Variants in KIF14 observed in about 807,000 individuals in gnomAD.
KIF14 encodes the protein kinesin-like protein KIF14.
A neutral mutation model predicts 176.2 loss-of-function variants in KIF14; 98 were observed. The observed-to-expected ratio is 0.56, with a 90% confidence interval of 0.47 to 0.66. The LOEUF is 0.66. KIF14 is among the 30% of genes least tolerant of loss of function. The probability of loss-of-function intolerance (pLI) is 0.00; values close to 1 mark genes in which losing one functional copy is unlikely to be tolerated. For synonymous variants in KIF14, 566 were observed against 632.2 expected (o/e 0.90, Z 1.57); for missense variants, 1,751 against 1,920.4 (o/e 0.91, Z 1.65).
chr1:200,571,270 A>G (rs911435414), intron 22 of KIF14, among the ~76,000 whole-genome samples: 1 of 148,266 alleles, frequency 6.7e-6, no homozygotes, highest in African/African-American at 2.5e-5. Flanking sequence ...AGCGGAGATC[A>G]TGCCACTGCA....
chr1:200,613,728 A>G (rs1362769352), intron 4 of KIF14, among the ~76,000 whole-genome samples: 2 of 152,202 alleles, frequency 1.3e-5, no homozygotes, highest in African/African-American at 4.8e-5. Flanking sequence ...TGTCCCTGCC[A>G]AGAATCCCCG....
intron 23 of KIF14, among the ~76,000 whole-genome samples, chr1:200,567,532 T>A (rs1320733191): frequency 1.3e-4 from 17 of 127,784 alleles, no homozygotes; most frequent in Admixed American, 3.3e-4. Flanking sequence ...AGACTCCGTC[T>A]AAAAAAAAAA....
At position 200,617,967 on chromosome 1, in the gene KIF14, T is replaced by G. The variant is rs756972367; in HGVS notation, c.757A>C (p.Asn253His). Residue 253 changes from asparagine to histidine, a missense_variant, in exon 2 of 30, where the codon AAC becomes CAC. Transcript: ENST00000367350. The part of the protein sequence containing the change: ...KLDIKVLGTG[N>H]LYHRSIGKEI... ...TTCCCAATACTTCTATGATACAAGT[T>G]TCCTGTTCCCAACACTTTGATATCC... The G allele has an allele frequency of 1.6e-5, 26 of 1,613,918 alleles. No individual in the cohort carries two copies. The East Asian group carries it at 3.8e-4, about 24-fold the overall frequency.
intron 22 of KIF14, 44 bp from the exon 23 acceptor site, chr1:200,570,049 G>T: frequency 2.4e-6 from 2 of 849,774 alleles, no homozygotes; most frequent in Non-Finnish European, 1.9e-6. Flanking sequence ...TATACCACAT[G>T]GAATAATATT....
At chr1:200,566,512 G>C (rs1375538091) in intron 23 of KIF14, among the ~76,000 whole-genome samples, 1 of 151,468 alleles carries the variant, frequency 6.6e-6, no homozygotes, top group Non-Finnish European at 1.5e-5. Context: ...AGAATTGCTT[G>C]AAGCCAGGAG....
chr1:200,592,155 C>T lies in KIF14; in HGVS notation c.2738G>A (p.Arg913Lys). The T allele has an allele frequency of 6.2e-7, 1 of 1,613,734 alleles. No individual in the cohort carries two copies. The highest frequency in any genetic ancestry group is 1.1e-5 in the South Asian group (1 of 91,066). The change falls in exon 16 of 30, where the codon AGA becomes AAA. Residue 913 changes from arginine to lysine, a missense_variant. Arg to Lys is a conservative substitution (Grantham distance 26, BLOSUM62 2). Coordinates refer to ENST00000367350, the MANE Select transcript of KIF14 (RefSeq NM_014875.3). ...TGGACCCTCACTTATAGGAGTATCT[C>T]TTCCAGATGGCCTTTTTCCTTTCTG... ...EVQKGKRPSGRDTPISEGPKD... is the reference protein window; with the variant it reads ...EVQKGKRPSGKDTPISEGPKD...
rs368421564 is a variant in KIF14, at chr1:200,565,561, T to C, written c.3770A>G (p.Tyr1257Cys). Residue 1257 changes from tyrosine (Y) to cysteine (C), a missense_variant, in exon 24 of 30, where the codon TAT becomes TGT. Transcript: ENST00000367350. ...GTCTGCTATAGTTCTTTCTTCATCA[T>C]AACTCTGTCCAAAAAAATCTAACGA... Reference protein sequence around the residue: ...GSSLDFFGQSYDEERTIADSL... With the variant: ...GSSLDFFGQSCDEERTIADSL... The C allele has an allele frequency of 1.2e-5, 19 of 1,611,886 alleles. No individual in the cohort carries two copies. In the African/African-American group the frequency reaches 2.4e-4, roughly 20 times the overall value.
intron 13 of KIF14, among the ~76,000 whole-genome samples, chr1:200,598,934 C>A (rs959121157): frequency 6.6e-6 from 1 of 152,130 alleles, no homozygotes; most frequent in African/African-American, 2.4e-5. Flanking sequence ...TTGTCCTTCA[C>A]CATCCTCAGT....
chr1:200,562,381 A>G (rs1300672854), intron 25 of KIF14, among the ~76,000 whole-genome samples: 1 of 152,236 alleles, frequency 6.6e-6, no homozygotes. Context: ...TATAACATTA[A>G]TTCATCTGAT....
At chr1:200,571,832 C>T (rs2102616680) in intron 22 of KIF14, among the ~76,000 whole-genome samples, 1 of 152,130 alleles carries the variant, frequency 6.6e-6, no homozygotes, top group East Asian at 1.9e-4. Flanking sequence ...GTTATTCTTG[C>T]AACAATATCA....
intron 19 of KIF14, among the ~76,000 whole-genome samples, chr1:200,585,514 A>G (rs1162037553): frequency 2.6e-5 from 4 of 152,212 alleles, no homozygotes; most frequent in Non-Finnish European, 5.9e-5. Flanking sequence ...TTTTAAAAAC[A>G]TGCTGCACAT....
At position 200,601,995 on chromosome 1, in the gene KIF14, T is replaced by A; in HGVS notation, c.2053A>T (p.Ile685Leu). The A allele has an allele frequency of 1.2e-6, 2 of 1,614,002 alleles. No homozygotes were observed. Among genetic ancestry groups the A allele is most frequent in the South Asian group, 1.1e-5 (1 of 91,074 alleles). ...CTAAGTGTGCTTAATGTTTCTTCTATGTTGCTGGCAGCGGGACTAATCGTA... is the reference window on the plus strand; with the variant it reads ...CTAAGTGTGCTTAATGTTTCTTCTAAGTTGCTGGCAGCGGGACTAATCGTA... ...IATISPAASN[I>L]EETLSTLRYA... The change falls in exon 11 of 30, where the codon ATA becomes TTA. Residue 685 changes from isoleucine to leucine, a missense_variant. Ile to Leu is a conservative substitution (Grantham distance 5, BLOSUM62 2). Transcript: ENST00000367350.
rs187279818 is a variant in KIF14, at chr1:200,553,091, G to A, written c.*297C>T. ...CCCTAGTAGCTGGGATTACAGGCACGCGCCACCATGCCCAGCAAATTTTTG... is the reference window on the plus strand; with the variant it reads ...CCCTAGTAGCTGGGATTACAGGCACACGCCACCATGCCCAGCAAATTTTTG... On this transcript the variant is annotated 3_prime_UTR_variant, in exon 30 of 30. Transcript: ENST00000367350. 1.1e-3 allele frequency: 192 copies of A among 170,028 alleles called. No homozygotes were observed. Among genetic ancestry groups the A allele is most frequent in the African/African-American group, 4.2e-3 (176 of 42,082 alleles). The allele number at this position is 170,028 out of a possible 1,614,324, so 10.5% of individuals were successfully genotyped here.
In KIF14 at chr1:200,589,205, CAAT is replaced by C; in HGVS notation, c.3114+9_3114+11del. Reference sequence around the variant, plus strand: ...CTCAGAATAGAGTTAACTGGTTACACAATAAAATTACCTGTTTTGTAGCCAATG... The same window carrying C: ...CTCAGAATAGAGTTAACTGGTTACACAAAATTACCTGTTTTGTAGCCAATG... On this transcript the variant is annotated intron_variant, in intron 18 of 29. Coordinates refer to ENST00000367350, the MANE Select transcript of KIF14 (RefSeq NM_014875.3). 1 of 1,587,960 alleles carries C rather than the reference CAAT, an allele frequency of 6.3e-7. No homozygotes were observed. The highest frequency in any genetic ancestry group is 8.6e-7 in the Non-Finnish European group (1 of 1,166,644).
chr1:200,590,919 G>A (rs115967391), intron 16 of KIF14, among the ~76,000 whole-genome samples: 4,367 of 152,056 alleles, frequency 0.029, 213 homozygotes, highest in African/African-American at 0.098. Context: ...TCACATGCTC[G>A]GGAGGCTAAG....
At chr1:200,570,560 C>T (rs74996355) in intron 22 of KIF14, among the ~76,000 whole-genome samples, 3,582 of 152,160 alleles carry the variant, frequency 0.024, 50 homozygotes, top group Non-Finnish European at 0.035. Context: ...AAGAACCAAA[C>T]GAGGTTCAGA....
chr1:200,620,299 T>G (rs1054892453), intron 1 of KIF14, 112 bp downstream of exon 1: 1 of 152,224 alleles, frequency 6.6e-6, no homozygotes, highest in Non-Finnish European at 1.5e-5. Flanking sequence ...CCATCAGATT[T>G]TAAAGAGGAC....
intron 11 of KIF14, among the ~76,000 whole-genome samples, chr1:200,601,119 G>A (rs1258082765): frequency 6.6e-6 from 1 of 152,154 alleles, no homozygotes; most frequent in African/African-American, 2.4e-5. Flanking sequence ...CTGACCTTAA[G>A]TAGTCCGCCT....
Position 200,553,768 on chromosome 1 carries a change from C to T in KIF14, c.4568-1G>A. On this transcript the variant is annotated splice_acceptor_variant, in intron 29 of 29. Transcript: ENST00000367350. LOFTEE classifies it high-confidence loss of function. ...AGAAGATTTATATCACTATGGCATCCTATATGCAAGAGAGGAGGGAAAAGT... is the reference window on the plus strand; with the variant it reads ...AGAAGATTTATATCACTATGGCATCTTATATGCAAGAGAGGAGGGAAAAGT... 1 of 1,587,150 alleles carries T rather than the reference C, an allele frequency of 6.3e-7. No individual in the cohort carries two copies.
Sources: gnomAD v4.1 joint callset for allele counts (sites outside exome capture counted in the v4.1 genomes callset) on GRCh38, gnomAD v4.1.1 for gene constraint, MANE v1.5 for transcripts, NCBI Gene and HGNC (gene_info 2026-07-23, HGNC 2026-07-21) for gene names.